The following ARHGAP1 variants were observed in gnomAD, a reference collection of about 807,000 sequenced individuals.
ARHGAP1 encodes Rho GTPase activating protein 1.
Under a neutral mutation model 52.2 loss-of-function variants are expected in ARHGAP1, and 23 were observed. The ratio of observed to expected loss-of-function variants is 0.44; its 90% CI spans 0.32 to 0.62. The LOEUF (loss-of-function observed/expected upper bound fraction) is 0.62. Among genes scored for constraint, ARHGAP1 ranks in the 20% least tolerant of loss-of-function variants. The pLI is 0.05. For synonymous variants in ARHGAP1, 210 were observed against 228.4 expected (o/e 0.92, Z 0.73); for missense variants, 480 against 560.9 (o/e 0.86, Z 1.46).
rs878966561 is a variant in ARHGAP1 at position 46,679,540 on chromosome 11, G to T, written c.1028-72C>A. The T allele has an allele frequency of 1.4e-5, 22 of 1,605,826 alleles. No homozygotes were observed. The South Asian group carries it at 2.1e-4, about 15-fold the overall frequency. On this transcript the variant is annotated intron_variant, in intron 11 of 12. Coordinates refer to ENST00000311956, the MANE Select transcript of ARHGAP1 (RefSeq NM_004308.5). The surrounding 1 kb of genome is among the most constrained non-coding windows in gnomAD (Gnocchi z 4.4). The stretch of plus-strand genomic sequence containing the variant: ...GTTCAGGACGCTCTGATGCAGGCTA[G>T]AGGGGAGACCCCCAGCAGTCTTCCC...
At position 46,679,218 on chromosome 11, in the gene ARHGAP1, G is replaced by A. The variant is rs750759610; in HGVS notation, c.1139C>T (p.Ala380Val). The change falls in exon 13 of 13, where the codon GCA becomes GTA. Residue 380 changes from alanine to valine, a missense_variant. Ala to Val is a moderately conservative substitution (Grantham distance 64). Transcript: ENST00000311956. The surrounding 1 kb of genome is among the most constrained non-coding windows in gnomAD (Gnocchi z 4.4). ...GGTCATCTTGTTCTGGTCACTGTGT[G>A]CAGAAATCTGTGGAGGGAATCAGGG... is the stretch of plus-strand genomic sequence containing the variant. ...FLTAFLVQIS[A>V]HSDQNKMTNT... 3.1e-6 allele frequency: 5 copies of A among 1,600,672 alleles called. No individual in the cohort carries two copies. Among genetic ancestry groups the A allele is most frequent in the South Asian group, 2.2e-5 (2 of 89,230 alleles).
At chr11:46,693,332 CT>C (rs2064628944) in intron 3 of ARHGAP1, among the ~76,000 whole-genome samples, 1 of 151,944 alleles carries the variant, frequency 6.6e-6, no homozygotes, top group South Asian at 2.1e-4. Flanking sequence ...GAGATCCCCC[CT>C]ATCCTGGGGA....
Position 46,678,995 on chromosome 11 carries a change from C to G in ARHGAP1, c.*42G>C. On this transcript the variant is annotated 3_prime_UTR_variant, in exon 13 of 13. Coordinates refer to ENST00000311956, the MANE Select transcript of ARHGAP1 (RefSeq NM_004308.5). Reference sequence around the variant, plus strand: ...CTGATGCCAGGAGGAAGAGTCCAAACCCGGGCTACCAGAGAAGGGGCTGGT... The same window carrying G: ...CTGATGCCAGGAGGAAGAGTCCAAAGCCGGGCTACCAGAGAAGGGGCTGGT... 1.2e-6 allele frequency: 2 copies of G among 1,605,032 alleles called. No homozygotes were observed. The highest frequency in any genetic ancestry group is 1.7e-6 in the Non-Finnish European group (2 of 1,173,846).
rs536215452 is a variant in ARHGAP1, at chr11:46,678,934, G to A, written c.*103C>T. The A allele has an allele frequency of 2.3e-6, 3 of 1,302,536 alleles. No individual in the cohort carries two copies. In the African/African-American group the frequency reaches 4.4e-5, roughly 19 times the overall value. 80.7% of individuals were successfully genotyped at this position (1,302,536 alleles called of 1,614,324 possible). On this transcript the variant is annotated 3_prime_UTR_variant, in exon 13 of 13. Transcript: ENST00000311956. Reference sequence around the variant, plus strand: ...GTGGGGGAGAGCATGCCTGATGGGTGGCTCCAACATCTCTCTCCAGGGGGC... The same window carrying A: ...GTGGGGGAGAGCATGCCTGATGGGTAGCTCCAACATCTCTCTCCAGGGGGC...
At chr11:46,688,901 T>C (rs1302946600) in intron 3 of ARHGAP1, among the ~76,000 whole-genome samples, 2 of 151,720 alleles carry the variant, frequency 1.3e-5, no homozygotes, top group Non-Finnish European at 2.9e-5. Flanking sequence ...CTGGCCAACA[T>C]GGTGAAAACC....
chr11:46,679,167 C>T lies in ARHGAP1; in HGVS notation c.1190G>A (p.Gly397Asp). 1.2e-6 allele frequency: 2 copies of T among 1,613,188 alleles called. No individual in the cohort carries two copies. The highest frequency in any genetic ancestry group is 1.7e-6 in the Non-Finnish European group (2 of 1,179,520). The change falls in exon 13 of 13, where the codon GGC (glycine) becomes GAC (aspartate). Residue 397 changes from glycine to aspartate, a missense_variant. Gly to Asp is a moderately conservative substitution (Grantham distance 94). Coordinates refer to ENST00000311956, the MANE Select transcript of ARHGAP1 (RefSeq NM_004308.5). The surrounding 1 kb of genome is among the most constrained non-coding windows in gnomAD (Gnocchi z 4.4). ...ATCCTTGGCCCACAGCAGGTTAGGG[C>T]CGAAAACAACAGCCAGGTTAGTGTT... ...MTNTNLAVVF[G>D]PNLLWAKDAA...
Position 46,681,965 on chromosome 11 carries a change from GCT to G in ARHGAP1, c.449+84_449+85del. The G allele has an allele frequency of 1.3e-6, 2 of 1,576,150 alleles. No homozygotes were observed. The highest frequency in any genetic ancestry group is 1.7e-6 in the Non-Finnish European group (2 of 1,156,682). ...CCCGCCACCCCCTGCCTTGGAATAAGCTCCTGCCCAAGTGGAGGGCAGCCCGG... is the reference window on the plus strand; with the variant it reads ...CCCGCCACCCCCTGCCTTGGAATAAGCCTGCCCAAGTGGAGGGCAGCCCGG... On this transcript the variant is annotated intron_variant, in intron 5 of 12. Transcript: ENST00000311956. This position sits in a 1 kb window ranked among gnomAD's most constrained non-coding sequence, Gnocchi z 5.7.
At chr11:46,687,440 G>C (rs2064579731) in intron 4 of ARHGAP1, 1 of 152,294 alleles carries the variant, frequency 6.6e-6, no homozygotes, top group Non-Finnish European at 1.5e-5. Context: ...AGAGCTGCTT[G>C]GGACAGTGCC....
In ARHGAP1 at chr11:46,681,067, G is replaced by A. The variant is rs771331768; in HGVS notation, c.579C>T (p.Ser193=). The A allele has an allele frequency of 1.5e-5, 24 of 1,613,972 alleles. 2 individuals carry two copies. The highest frequency in any genetic ancestry group is 1.2e-4 in the South Asian group (11 of 91,078). Residue 193 remains serine, a synonymous_variant, in exon 7 of 13, where the codon AGC becomes AGT. Transcript: ENST00000311956. This position sits in a 1 kb window ranked among gnomAD's most constrained non-coding sequence, Gnocchi z 5.7. ...GQKIFYVNYL[S]ELSEHVKLEQ... is the part of the protein sequence containing the mutation. ...CCAGCTTCACGTGCTCGCTCAGCTC[G>A]CTCAGGTAATTCACATAGAAGATCT...
At chr11:46,692,591 C>CT (rs1406685996) in intron 3 of ARHGAP1, among the ~76,000 whole-genome samples, 4 of 152,162 alleles carry the variant, frequency 2.6e-5, no homozygotes, top group Non-Finnish European at 5.9e-5. Context: ...GGCCACAGCA[C>CT]TTTGTAAGTG....
Position 46,679,296 on chromosome 11 carries a change from G to A in ARHGAP1, c.1131+69C>T. On this transcript the variant is annotated intron_variant, in intron 12 of 12. Transcript: ENST00000311956. This position sits in a 1 kb window ranked among gnomAD's most constrained non-coding sequence, Gnocchi z 4.4. ...CTCCCACTCCCAGCAACAATGACCAGGGCGCAGAGGAGGCGGCAGCTCCTC... is the reference window on the plus strand; with the variant it reads ...CTCCCACTCCCAGCAACAATGACCAAGGCGCAGAGGAGGCGGCAGCTCCTC... The A allele has an allele frequency of 6.2e-7, 1 of 1,602,102 alleles. No homozygotes were observed.
intron 4 of ARHGAP1, among the ~76,000 whole-genome samples, chr11:46,682,556 G>C (rs9704782): frequency 3.3e-5 from 5 of 151,938 alleles, no homozygotes; most frequent in Admixed American, 6.6e-5. Flanking sequence ...TGGTGGTGCA[G>C]GCCTGTAATC....
In ARHGAP1 at chr11:46,696,061, G is replaced by T; in HGVS notation, c.47C>A (p.Thr16Asn). The T allele has an allele frequency of 1.2e-6, 2 of 1,613,008 alleles. No individual in the cohort carries two copies. Among genetic ancestry groups the T allele is most frequent in the Non-Finnish European group, 8.5e-7 (1 of 1,179,578 alleles). ...CTTCAGCTGGTTCAGAGCCTCGCTGGTGTCATCCAAGGTCAGATCATCCTG... is the reference window on the plus strand; with the variant it reads ...CTTCAGCTGGTTCAGAGCCTCGCTGTTGTCATCCAAGGTCAGATCATCCTG... ...ELQDDLTLDD[T>N]SEALNQLKLA... Residue 16 changes from threonine to asparagine, a missense_variant, in exon 2 of 13, where the codon ACC (threonine) becomes AAC (asparagine). Coordinates refer to ENST00000311956, the MANE Select transcript of ARHGAP1 (RefSeq NM_004308.5). The surrounding 1 kb of genome is among the most constrained non-coding windows in gnomAD (Gnocchi z 4.8).
intron 3 of ARHGAP1, among the ~76,000 whole-genome samples, chr11:46,692,688 CAT>C (rs1349785888): frequency 6.6e-6 from 1 of 151,992 alleles, no homozygotes; most frequent in Non-Finnish European, 1.5e-5. Context: ...ATATTACAAG[CAT>C]GTGCACTTTT....
chr11:46,684,380 T>G (rs934558562), intron 4 of ARHGAP1, among the ~76,000 whole-genome samples: 1 of 152,242 alleles, frequency 6.6e-6, no homozygotes, highest in African/African-American at 2.4e-5. Context: ...TCATACTCTC[T>G]GACCCTGTAA....
intron 3 of ARHGAP1, among the ~76,000 whole-genome samples, chr11:46,692,532 G>A (rs1183102328): frequency 1.3e-5 from 2 of 152,198 alleles, no homozygotes; most frequent in Non-Finnish European, 2.9e-5. Flanking sequence ...AACTGGTTAG[G>A]GAAGCTGTTG....
At chr11:46,699,415 A>T (rs1380457262) in intron 1 of ARHGAP1, among the ~76,000 whole-genome samples, 1 of 152,162 alleles carries the variant, frequency 6.6e-6, no homozygotes, top group Non-Finnish European at 1.5e-5. Flanking sequence ...GTGAGGAAAG[A>T]GAGGACCAGC....
chr11:46,679,392 A>C lies in ARHGAP1; in HGVS notation c.1104T>G (p.Leu368=). ...GCACCAGGAAAGCAGTCAGGAAACG[A>C]AGCACCTGGTAGTTCTCCTCGGGCA... is the stretch of plus-strand genomic sequence containing the variant. ...QTLPEENYQV[L]RFLTAFLVQI... Residue 368 remains leucine (L), a synonymous_variant, in exon 12 of 13, where the codon CTT becomes CTG. Coordinates refer to ENST00000311956, the MANE Select transcript of ARHGAP1 (RefSeq NM_004308.5). This position sits in a 1 kb window ranked among gnomAD's most constrained non-coding sequence, Gnocchi z 4.4. The C allele has an allele frequency of 6.2e-7, 1 of 1,614,152 alleles. No individual in the cohort carries two copies. Among genetic ancestry groups the C allele is most frequent in the Non-Finnish European group, 8.5e-7 (1 of 1,180,008 alleles).
rs1188592365 is a variant in ARHGAP1 at position 46,695,145 on chromosome 11, G to A, written c.229+515C>T. The A allele has an allele frequency of 1.3e-5, 4 of 317,428 alleles. No homozygotes were observed. The East Asian group carries it at 2.4e-4, about 19-fold the overall frequency. The allele number at this position is 317,428 out of a possible 1,614,324, so 19.7% of individuals were successfully genotyped here. A position where few individuals can be genotyped will look rare whatever the true frequency, so the allele number is the denominator to read the frequency against. On this transcript the variant is annotated intron_variant, in intron 3 of 12. Coordinates refer to ENST00000311956, the MANE Select transcript of ARHGAP1 (RefSeq NM_004308.5). ...TCCCTGAGACAGAGACCTAAGCGGG[G>A]CTCTGTACCCACTCTCAGCAGGGCA... is the stretch of plus-strand genomic sequence containing the variant.
Sources: gnomAD v4.1 joint callset for allele counts (sites outside exome capture counted in the v4.1 genomes callset) on GRCh38, gnomAD v4.1.1 for gene constraint, Gnocchi (gnomAD v3.1) non-coding constraint, MANE v1.5 for transcripts, NCBI Gene and HGNC (gene_info 2026-07-23, HGNC 2026-07-21) for gene names.